Variants in FBXW7 observed in about 807,000 individuals in gnomAD.
FBXW7 encodes the protein F-box and WD repeat domain containing 7.
Under a neutral mutation model 86.3 loss-of-function variants are expected in FBXW7, and 11 were observed. That is an observed-to-expected ratio of 0.13 (90% CI 0.08 to 0.21). The LOEUF is 0.21. FBXW7 is among the 10% of genes least tolerant of loss of function. The pLI, the probability that FBXW7 is intolerant of heterozygous loss-of-function variation, is 1.00. For missense variants in FBXW7, 488 were observed against 847.4 expected, an observed-to-expected ratio of 0.58 and a Z score of 5.27; for synonymous variants, 313 against 297.9, an observed-to-expected ratio of 1.05 and a Z score of -0.52.
chr4:152,477,281 A>C (rs1475039024), intron 2 of FBXW7, among the ~76,000 whole-genome samples: 1 of 152,166 alleles, frequency 6.6e-6, no homozygotes, highest in East Asian at 1.9e-4. Context: ...GAAAAATATA[A>C]AAGTTCTAAG....
chr4:152,375,966 T>C (rs771725775), intron 4 of FBXW7, among the ~76,000 whole-genome samples: 11 of 152,124 alleles, frequency 7.2e-5, no homozygotes, highest in Admixed American at 1.3e-4. Flanking sequence ...GATATATTTA[T>C]ATGGCAGATT....
At chr4:152,355,842 C>T (rs1464363979) in intron 4 of FBXW7, among the ~76,000 whole-genome samples, 1 of 152,114 alleles carries the variant, frequency 6.6e-6, no homozygotes, top group African/African-American at 2.4e-5. Flanking sequence ...ATATGTTTGC[C>T]TCTGGGGAAT....
intron 2 of FBXW7, among the ~76,000 whole-genome samples, chr4:152,439,409 A>G (rs1308215175): frequency 6.6e-6 from 1 of 152,122 alleles, no homozygotes; most frequent in East Asian, 1.9e-4. Context: ...TAGCTATATA[A>G]TATTTTTATT....
chr4:152,487,004 G>A (rs933197111), intron 2 of FBXW7, among the ~76,000 whole-genome samples: 1 of 152,074 alleles, frequency 6.6e-6, no homozygotes, highest in Non-Finnish European at 1.5e-5. Context: ...TATATGCAGT[G>A]CATGACTACA....
intron 2 of FBXW7, among the ~76,000 whole-genome samples, chr4:152,493,349 G>A (rs141238639): frequency 0.04 from 6,134 of 152,010 alleles, 409 homozygotes; most frequent in African/African-American, 0.14. Context: ...ATCTTTAGCA[G>A]AGACAGGGTT....
chr4:152,525,610 T>C (rs1410188408), intron 2 of FBXW7, among the ~76,000 whole-genome samples: 1 of 152,190 alleles, frequency 6.6e-6, no homozygotes, highest in Non-Finnish European at 1.5e-5. Context: ...GCTTCATCCA[T>C]ACTCCCACAA....
At chr4:152,507,807 T>C (rs918758496) in intron 2 of FBXW7, among the ~76,000 whole-genome samples, 1 of 152,000 alleles carries the variant, frequency 6.6e-6, no homozygotes, top group Non-Finnish European at 1.5e-5. Context: ...ATCCCAGCAC[T>C]TTGGGAGACC....
At chr4:152,470,063 T>C (rs934430151) in intron 2 of FBXW7, among the ~76,000 whole-genome samples, 6 of 152,092 alleles carry the variant, frequency 3.9e-5, no homozygotes, top group Non-Finnish European at 8.8e-5. Flanking sequence ...CTGTAATGTC[T>C]ACCTAAGAAT....
At chr4:152,454,260 CCCT>C (rs1742202008) in intron 2 of FBXW7, among the ~76,000 whole-genome samples, 1 of 131,424 alleles carries the variant, frequency 7.6e-6, no homozygotes, top group African/African-American at 2.8e-5. Context: ...AGCCCCCCCC[CCCT>C]TTTTTTTTTT....
intron 4 of FBXW7, among the ~76,000 whole-genome samples, chr4:152,358,417 G>T (rs545752229): frequency 6.6e-6 from 1 of 150,912 alleles, no homozygotes; most frequent in African/African-American, 2.4e-5. Context: ...TATTAATCTT[G>T]TATTCATTTC....
At chr4:152,431,786 C>T (rs1162320808) in intron 2 of FBXW7, among the ~76,000 whole-genome samples, 5 of 152,000 alleles carry the variant, frequency 3.3e-5, no homozygotes, top group Middle Eastern at 3.2e-3. Context: ...TTAATAATTG[C>T]CATGCCAAAA....
chr4:152,365,245 G>A (rs1198139018), intron 4 of FBXW7, among the ~76,000 whole-genome samples: 1 of 152,000 alleles, frequency 6.6e-6, no homozygotes, highest in African/African-American at 2.4e-5. Context: ...AGTAGACAAG[G>A]GATACATTAC....
At chr4:152,415,884 CT>C (rs1738383928) in intron 2 of FBXW7, among the ~76,000 whole-genome samples, 1 of 152,116 alleles carries the variant, frequency 6.6e-6, no homozygotes, top group Admixed American at 6.6e-5. Flanking sequence ...CAAATGTCCC[CT>C]ATTCAATGAT....
At chr4:152,360,200 T>C (rs2126693535) in intron 4 of FBXW7, among the ~76,000 whole-genome samples, 1 of 152,290 alleles carries the variant, frequency 6.6e-6, no homozygotes. Context: ...CTTAGGGCAT[T>C]ATGTGTCTTT....
intron 4 of FBXW7, among the ~76,000 whole-genome samples, chr4:152,403,135 G>A (rs1737092749): frequency 6.6e-6 from 1 of 152,068 alleles, no homozygotes. Context: ...GGGAAGGGAG[G>A]GAAGGGAAAG....
chr4:152,516,590 T>C (rs1748517233), intron 2 of FBXW7, among the ~76,000 whole-genome samples: 1 of 152,238 alleles, frequency 6.6e-6, no homozygotes, highest in African/African-American at 2.4e-5. Context: ...ACATGGTTTA[T>C]ATTATTTCTC....
intron 2 of FBXW7, among the ~76,000 whole-genome samples, chr4:152,521,420 A>G (rs1749001621): frequency 6.6e-6 from 1 of 152,216 alleles, no homozygotes; most frequent in Admixed American, 6.5e-5. Flanking sequence ...ATACATGTAC[A>G]CACACATACA....
chr4:152,478,143 G>C (rs1458325037), intron 2 of FBXW7, among the ~76,000 whole-genome samples: 1 of 151,994 alleles, frequency 6.6e-6, no homozygotes, highest in African/African-American at 2.4e-5. Flanking sequence ...AGTACATTCA[G>C]AATGTTGTAC....
chr4:152,508,504 A>G (rs1747640976), intron 2 of FBXW7, among the ~76,000 whole-genome samples: 1 of 152,040 alleles, frequency 6.6e-6, no homozygotes, highest in South Asian at 2.1e-4. Context: ...CCTGGACAAC[A>G]TGATGAAACC....
Sources: gnomAD v4.1 joint callset for allele counts (sites outside exome capture counted in the v4.1 genomes callset) on GRCh38, gnomAD v4.1.1 for gene constraint, MANE v1.5 for transcripts, NCBI Gene and HGNC (gene_info 2026-07-23, HGNC 2026-07-21) for gene names.